Variants in CABCOCO1 observed in about 807,000 individuals in gnomAD.
The protein encoded by CABCOCO1 is ciliary associated calcium binding coiled-coil 1.
In CABCOCO1, 28 loss-of-function variants were observed where a neutral mutation model predicts 35.7. The ratio of observed to expected loss-of-function variants is 0.78; its 90% confidence interval spans 0.58 to 1.07. The LOEUF (loss-of-function observed/expected upper bound fraction) is 1.07, where lower values mean the gene tolerates loss of function less well. Ranked by LOEUF, CABCOCO1 falls within the 50% of genes least tolerant of loss-of-function variation. The pLI is 0.00. For synonymous variants in CABCOCO1, 95 were observed against 100.1 expected (o/e 0.95, Z 0.30); for missense variants, 326 against 309.2 (o/e 1.05, Z -0.41).
intron 1 of CABCOCO1, among the ~76,000 whole-genome samples, chr10:61,666,865 AGAG>A (rs1352473761): frequency 6.8e-6 from 1 of 147,870 alleles, no homozygotes; most frequent in Non-Finnish European, 1.5e-5. Flanking sequence ...AGGCAGCAGA[AGAG>A]AATAGCAAAT....
intron 4 of CABCOCO1, 40 bp from the exon 5 acceptor site, chr10:61,690,509 A>T: frequency 7.1e-7 from 1 of 1,403,098 alleles, no homozygotes; most frequent in East Asian, 2.3e-5. Context: ...TTTTTTCCTG[A>T]AATCAACTTA....
At chr10:61,691,258 G>A (rs1217241343) in intron 5 of CABCOCO1, among the ~76,000 whole-genome samples, 2 of 152,088 alleles carry the variant, frequency 1.3e-5, no homozygotes, top group Non-Finnish European at 2.9e-5. Flanking sequence ...CAACTCAACA[G>A]TAATTTTCTT....
At chr10:61,758,584 T>C (rs1162919617) in intron 5 of CABCOCO1, among the ~76,000 whole-genome samples, 1 of 152,108 alleles carries the variant, frequency 6.6e-6, no homozygotes, top group African/African-American at 2.4e-5. Context: ...AAGTGCTTGA[T>C]AATAGCAATA....
rs980194299 is a variant in CABCOCO1 at position 61,672,646 on chromosome 10, C to A, written c.75C>A (p.Phe25Leu). The part of the protein sequence containing the change: ...TTPESERDTE[F>L]QEHEKILSPD... ...TGTTTTGGTAGAGAGACACTGAATTCCAGGAGCATGAAAAGATTCTGTCTC... is the reference window on the plus strand; with the variant it reads ...TGTTTTGGTAGAGAGACACTGAATTACAGGAGCATGAAAAGATTCTGTCTC... The change falls in exon 2 of 8, where the codon TTC becomes TTA. Residue 25 changes from phenylalanine to leucine, a missense_variant. Transcript: ENST00000648843. 1 of 925,054 alleles carries A rather than the reference C, an allele frequency of 1.1e-6. No individual in the cohort carries two copies. Among genetic ancestry groups the A allele is most frequent in the Non-Finnish European group, 1.3e-6 (1 of 774,952 alleles). The allele number at this position is 925,054 out of a possible 1,614,324, so 57.3% of individuals were successfully genotyped here.
chr10:61,670,620 A>C (rs928821872), intron 1 of CABCOCO1, among the ~76,000 whole-genome samples: 4 of 152,226 alleles, frequency 2.6e-5, no homozygotes, highest in Non-Finnish European at 5.9e-5. Flanking sequence ...AACTACCGCA[A>C]GGCAGTTTTT....
At chr10:61,673,768 T>C (rs1028959969) in intron 2 of CABCOCO1, among the ~76,000 whole-genome samples, 1 of 152,234 alleles carries the variant, frequency 6.6e-6, no homozygotes, top group Non-Finnish European at 1.5e-5. Flanking sequence ...TACCACTTAC[T>C]ATCTGCATCT....
At position 61,717,332 on chromosome 10, in the gene CABCOCO1, T is replaced by A. The variant is rs78897160; in HGVS notation, c.552+26711T>A. ...CATTTCATATTTAATGGAGTACTAT[T>A]TTATGAATTCTTATTTTTGAAAATA... On this transcript the variant is annotated intron_variant, in intron 5 of 7. Transcript: ENST00000648843. Among the ~76,000 whole-genome samples, 109 of 152,314 alleles carry A rather than the reference T, an allele frequency of 7.2e-4. 2 individuals are homozygous for A. The East Asian group carries it at 0.018, about 26-fold the overall frequency.
intron 5 of CABCOCO1, among the ~76,000 whole-genome samples, chr10:61,744,070 G>C (rs1222126081): frequency 6.6e-6 from 1 of 152,122 alleles, no homozygotes; most frequent in Non-Finnish European, 1.5e-5. Flanking sequence ...TACTTGGCTT[G>C]GAGTGCATGT....
At chr10:61,715,348 T>A (rs1348738929) in intron 5 of CABCOCO1, among the ~76,000 whole-genome samples, 1 of 152,206 alleles carries the variant, frequency 6.6e-6, no homozygotes, top group Non-Finnish European at 1.5e-5. Context: ...GCTTTTTTTT[T>A]GCTTCCCATT....
chr10:61,684,920 C>T (rs1397204662), intron 3 of CABCOCO1: 2 of 152,166 alleles, frequency 1.3e-5, no homozygotes, highest in African/African-American at 2.4e-5. Flanking sequence ...TTATTACAGA[C>T]ATTTTAAAAG....
intron 3 of CABCOCO1, 61 bp downstream of exon 3, chr10:61,681,373 C>T: frequency 7.8e-7 from 1 of 1,281,736 alleles, no homozygotes; most frequent in Non-Finnish European, 1.1e-6. Flanking sequence ...AATTGAGGTT[C>T]TTAAGCAAAA....
At chr10:61,679,913 C>A (rs193068086) in intron 2 of CABCOCO1, among the ~76,000 whole-genome samples, 9 of 151,562 alleles carry the variant, frequency 5.9e-5, no homozygotes, top group Non-Finnish European at 1.5e-5. Context: ...AAAACAGTAT[C>A]CAAAATGAAA....
At chr10:61,675,609 G>T (rs932855289) in intron 2 of CABCOCO1, among the ~76,000 whole-genome samples, 1 of 152,106 alleles carries the variant, frequency 6.6e-6, no homozygotes, top group Non-Finnish European at 1.5e-5. Flanking sequence ...TTAAAAATAC[G>T]TAGTGTGCAG....
At chr10:61,715,900 C>T (rs933867121) in intron 5 of CABCOCO1, among the ~76,000 whole-genome samples, 3 of 152,120 alleles carry the variant, frequency 2.0e-5, no homozygotes, top group Admixed American at 2.0e-4. Context: ...TGATGGACTT[C>T]CCTTTGTGGG....
rs2132102495 is a variant in CABCOCO1 at position 61,766,711 on chromosome 10, C to A, written c.*698C>A. The A allele has an allele frequency of 6.6e-6, 1 of 152,070 alleles. No homozygotes were observed. The highest frequency in any genetic ancestry group is 2.1e-4 in the South Asian group (1 of 4,812). 9.4% of individuals were successfully genotyped at this position (152,070 alleles called of 1,614,324 possible). ...GTATAAATGGTTATTAAAGACCAAC[C>A]TATATATAGATTGTAAAAATCTTAA... On this transcript the variant is annotated 3_prime_UTR_variant, in exon 8 of 8. Coordinates refer to ENST00000648843, the MANE Select transcript of CABCOCO1 (RefSeq NM_001366906.2).
intron 5 of CABCOCO1, among the ~76,000 whole-genome samples, chr10:61,758,259 CT>C (rs1170900407): frequency 6.6e-6 from 1 of 151,986 alleles, no homozygotes; most frequent in Non-Finnish European, 1.5e-5. Flanking sequence ...CCATGTGCAG[CT>C]TATTTATTTT....
intron 5 of CABCOCO1, among the ~76,000 whole-genome samples, chr10:61,712,102 G>A (rs1377979301): frequency 6.6e-6 from 1 of 152,082 alleles, no homozygotes; most frequent in East Asian, 1.9e-4. Context: ...CCCATCAACA[G>A]TGTAAAAGCA....
At chr10:61,687,720 AG>A (rs1286800989) in intron 4 of CABCOCO1, among the ~76,000 whole-genome samples, 9 of 152,202 alleles carry the variant, frequency 5.9e-5, no homozygotes. Flanking sequence ...GATTCTAACC[AG>A]GGTAATTTCA....
intron 1 of CABCOCO1, among the ~76,000 whole-genome samples, chr10:61,665,288 G>A (rs1196261156): frequency 6.6e-6 from 1 of 152,184 alleles, no homozygotes; most frequent in African/African-American, 2.4e-5. Context: ...GATATGAGAT[G>A]CAGATCTAGA....
Sources: allele counts gnomAD v4.1 joint callset (sites outside exome capture counted in the v4.1 genomes callset), GRCh38; gene constraint gnomAD v4.1.1; transcripts MANE v1.5; gene names NCBI Gene and HGNC (gene_info 2026-07-23, HGNC 2026-07-21).